The following CACNA1D variants were observed in gnomAD, a reference collection of about 807,000 sequenced individuals.
CACNA1D encodes calcium voltage-gated channel subunit alpha1 D, also known as voltage-dependent L-type calcium channel subunit alpha-1D.
CACNA1D carries 55 observed loss-of-function variants against 257.1 expected under a neutral mutation model. That is an observed-to-expected ratio of 0.21 (90% CI 0.17 to 0.27). The LOEUF is 0.27. Ranked by LOEUF, CACNA1D falls within the 10% of genes least tolerant of loss-of-function variation. CACNA1D has a pLI of 1.00. For missense variants in CACNA1D, 1,876 were observed against 2,784.0 expected, an observed-to-expected ratio of 0.67 and a Z score of 7.34; for synonymous variants, 980 against 1,014.9, an observed-to-expected ratio of 0.97 and a Z score of 0.65.
chr3:53,590,936 T>A (rs1206476639), intron 3 of CACNA1D, among the ~76,000 whole-genome samples: 1 of 152,200 alleles, frequency 6.6e-6, no homozygotes, highest in Non-Finnish European at 1.5e-5. Flanking sequence ...GTCCTGCATT[T>A]TTCTCTTATG....
chr3:53,691,900 C>CATATATTATATATAAT (rs1209005712), intron 8 of CACNA1D, among the ~76,000 whole-genome samples: 1 of 31,762 alleles, frequency 3.1e-5, no homozygotes, highest in Non-Finnish European at 6.1e-5. Flanking sequence ...ATATATATTA[C>CATATATTATATATAAT]ATATATTATA....
At chr3:53,661,776 A>T (rs1285663299) in intron 5 of CACNA1D, among the ~76,000 whole-genome samples, 2 of 152,202 alleles carry the variant, frequency 1.3e-5, no homozygotes, top group Non-Finnish European at 2.9e-5. Context: ...GGTTTTTACT[A>T]AACTAGTGCA....
intron 3 of CACNA1D, among the ~76,000 whole-genome samples, chr3:53,594,045 C>T (rs1218203774): frequency 5.3e-5 from 8 of 152,154 alleles, no homozygotes; most frequent in African/African-American, 1.9e-4. Flanking sequence ...AGTGACAGCC[C>T]ACCAGGCCTG....
chr3:53,524,252 A>G (rs111370649), intron 3 of CACNA1D, among the ~76,000 whole-genome samples: 11 of 152,366 alleles, frequency 7.2e-5, no homozygotes, highest in African/African-American at 2.6e-4. Context: ...ATGGAGCCCA[A>G]CAGGACATCC....
chr3:53,800,015 G>T lies in CACNA1D; in HGVS notation c.4924-234G>T, dbSNP rs2095528185. The T allele has an allele frequency of 6.7e-6, 4 of 598,760 alleles. No homozygotes were observed. Among genetic ancestry groups the T allele is most frequent in the Non-Finnish European group, 1.2e-5 (4 of 332,832 alleles). The allele number at this position is 598,760 out of a possible 1,614,324, so 37.1% of individuals were successfully genotyped here. On this transcript the variant is annotated intron_variant, in intron 40 of 47. Transcript: ENST00000350061. The surrounding 1 kb of genome is among the most constrained non-coding windows in gnomAD (Gnocchi z 4.3). ...TTGGAAGTGGGGGTTTTGCAAAGGA[G>T]GTTACGGGGTTGCAGGCCTCAGGCA...
intron 7 of CACNA1D, among the ~76,000 whole-genome samples, chr3:53,667,183 A>G (rs1044693606): frequency 6.6e-6 from 1 of 152,080 alleles, no homozygotes; most frequent in East Asian, 1.9e-4. Flanking sequence ...GGGCTGGTGG[A>G]CCCATCCAGC....
At chr3:53,670,195 C>T (rs1358856804) in intron 7 of CACNA1D, among the ~76,000 whole-genome samples, 1 of 152,202 alleles carries the variant, frequency 6.6e-6, no homozygotes, top group Non-Finnish European at 1.5e-5. Flanking sequence ...CTCTCTGTAA[C>T]CAGCCGAGGG....
chr3:53,598,488 G>A (rs1356837545), intron 3 of CACNA1D, among the ~76,000 whole-genome samples: 1 of 151,724 alleles, frequency 6.6e-6, no homozygotes, highest in Non-Finnish European at 1.5e-5. Flanking sequence ...GGGAGGCTGA[G>A]GCAGGAGAAT....
At position 53,665,739 on chromosome 3, in the gene CACNA1D, C is replaced by T. The variant is rs766845994; in HGVS notation, c.846C>T (p.Ile282=). The T allele has an allele frequency of 1.9e-5, 30 of 1,605,670 alleles. No individual in the cohort carries two copies. Among genetic ancestry groups the T allele is most frequent in the Non-Finnish European group, 2.2e-5 (26 of 1,172,702 alleles). ...TAGCCCTTTTGGTATTATTTGTAATCATAATCTATGCTATTATAGGATTGG... is the reference window on the plus strand; with the variant it reads ...TAGCCCTTTTGGTATTATTTGTAATTATAATCTATGCTATTATAGGATTGG... ...LHIALLVLFV[I]IIYAIIGLEL... Residue 282 remains isoleucine (I), a synonymous_variant, in exon 6 of 48, where the codon ATC becomes ATT. Coordinates refer to ENST00000350061, the MANE Select transcript of CACNA1D (RefSeq NM_001128840.3).
chr3:53,502,123 T>C (rs976121651), intron 3 of CACNA1D, among the ~76,000 whole-genome samples: 1 of 151,806 alleles, frequency 6.6e-6, no homozygotes, highest in Non-Finnish European at 1.5e-5. Flanking sequence ...TTCTGGTAAG[T>C]AGAGAATTAT....
chr3:53,512,374 G>A (rs142204661), intron 3 of CACNA1D, among the ~76,000 whole-genome samples: 6 of 152,258 alleles, frequency 3.9e-5, no homozygotes, highest in African/African-American at 1.2e-4. Context: ...AAGCTTTGGC[G>A]TGTTTTAGGT....
At chr3:53,553,422 A>G (rs1473400847) in intron 3 of CACNA1D, among the ~76,000 whole-genome samples, 1 of 152,194 alleles carries the variant, frequency 6.6e-6, no homozygotes, top group Non-Finnish European at 1.5e-5. Flanking sequence ...CATTTCAAGC[A>G]CAAATCCCTA....
At chr3:53,601,242 G>A (rs2093437909) in intron 3 of CACNA1D, among the ~76,000 whole-genome samples, 1 of 152,182 alleles carries the variant, frequency 6.6e-6, no homozygotes, top group Non-Finnish European at 1.5e-5. Context: ...CATCCCATCA[G>A]CATGGCTTAC....
intron 3 of CACNA1D, among the ~76,000 whole-genome samples, chr3:53,633,181 T>C (rs2093841889): frequency 6.6e-6 from 1 of 152,228 alleles, no homozygotes; most frequent in Non-Finnish European, 1.5e-5. Context: ...CTTTTAACCG[T>C]GCTTTCACTG....
intron 8 of CACNA1D, among the ~76,000 whole-genome samples, chr3:53,678,560 C>T (rs767280646): frequency 6.6e-6 from 1 of 152,200 alleles, no homozygotes; most frequent in Non-Finnish European, 1.5e-5. Context: ...TTATAGAAAA[C>T]TGAAGGCAAT....
chr3:53,514,991 G>C (rs560873043), intron 3 of CACNA1D, among the ~76,000 whole-genome samples: 1 of 152,178 alleles, frequency 6.6e-6, no homozygotes, highest in East Asian at 1.9e-4. Context: ...GGCCATAGGA[G>C]GGCCTAGACC....
At chr3:53,642,290 A>T (rs1265831281) in intron 3 of CACNA1D, among the ~76,000 whole-genome samples, 1 of 152,166 alleles carries the variant, frequency 6.6e-6, no homozygotes, top group East Asian at 1.9e-4. Context: ...GTGGTCTCTC[A>T]GGGCTGAATC....
intron 3 of CACNA1D, among the ~76,000 whole-genome samples, chr3:53,504,642 G>T (rs970025229): frequency 2.6e-5 from 4 of 152,082 alleles, no homozygotes; most frequent in African/African-American, 9.7e-5. Flanking sequence ...GTCAATAGCA[G>T]TATTTCCTCA....
intron 3 of CACNA1D, among the ~76,000 whole-genome samples, chr3:53,637,194 C>G (rs35768922): frequency 0.084 from 12,752 of 152,246 alleles, 611 homozygotes; most frequent in African/African-American, 0.085. Context: ...CTGAGGCAAG[C>G]CTCTTTGCTT....
Sources: allele counts gnomAD v4.1 joint callset (sites outside exome capture counted in the v4.1 genomes callset), GRCh38; gene constraint gnomAD v4.1.1; non-coding constraint Gnocchi (gnomAD v3.1); transcripts MANE v1.5; gene names NCBI Gene and HGNC (gene_info 2026-07-23, HGNC 2026-07-21).